The following ANKRD44 variants were observed in gnomAD, a reference collection of about 807,000 sequenced individuals.
ANKRD44 encodes ankyrin repeat domain 44, also known as serine/threonine-protein phosphatase 6 regulatory ankyrin repeat subunit B.
In ANKRD44, 35 loss-of-function variants were observed where a neutral mutation model predicts 116.0. The observed-to-expected ratio is 0.30, with a 90% CI of 0.23 to 0.40. The LOEUF (loss-of-function observed/expected upper bound fraction) is 0.40. Among genes scored for constraint, ANKRD44 ranks in the 10% least tolerant of loss-of-function variants. The pLI, the probability that ANKRD44 is intolerant of heterozygous loss-of-function variation, is 1.00. For missense variants in ANKRD44, 1,014 were observed against 1,242.6 expected, an observed-to-expected ratio of 0.82 and a Z score of 2.77; for synonymous variants, 435 against 461.8, an observed-to-expected ratio of 0.94 and a Z score of 0.74.
At chr2:197,078,490 C>G (rs2077722010) in intron 16 of ANKRD44, 2 of 1,339,222 alleles carry the variant, frequency 1.5e-6, no homozygotes, top group Non-Finnish European at 2.0e-6. Context: ...GCTTAAAAGC[C>G]TTGGGTGGTG....
At chr2:197,045,429 T>G (rs988205963) in intron 16 of ANKRD44, among the ~76,000 whole-genome samples, 2 of 152,160 alleles carry the variant, frequency 1.3e-5, no homozygotes, top group East Asian at 3.9e-4. Context: ...ACCTGTAGTG[T>G]CATTTTATTT....
chr2:197,280,705 C>A (rs1326416811), intron 1 of ANKRD44, among the ~76,000 whole-genome samples: 2 of 152,132 alleles, frequency 1.3e-5, no homozygotes, highest in African/African-American at 2.4e-5. Flanking sequence ...AATGTAAAAG[C>A]CCATCAAAGA....
chr2:196,993,022 G>T (rs2075949586), intron 27 of ANKRD44, among the ~76,000 whole-genome samples: 1 of 152,106 alleles, frequency 6.6e-6, no homozygotes, highest in Non-Finnish European at 1.5e-5. Flanking sequence ...CTTCTGTTAA[G>T]AATTAGTTCA....
Position 197,187,020 on chromosome 2 carries a change from T to A in ANKRD44, c.111+3A>T, listed in dbSNP as rs761752420. The A allele has an allele frequency of 3.7e-6, 6 of 1,613,920 alleles. No individual in the cohort carries two copies. Among genetic ancestry groups the A allele is most frequent in the Non-Finnish European group, 5.1e-6 (6 of 1,179,876 alleles). ...TGAGTAGCAAAACCACAGTATCTCTTACCAGAGTATTCACATCTTCAGTTT... is the reference window on the plus strand; with the variant it reads ...TGAGTAGCAAAACCACAGTATCTCTAACCAGAGTATTCACATCTTCAGTTT... On this transcript the variant is annotated splice_donor_region_variant and intron_variant, in intron 2 of 27. Coordinates refer to ENST00000282272, the MANE Select transcript of ANKRD44 (RefSeq NM_001195144.2).
At chr2:196,968,660 A>G (rs1164988711) in intron 21 of ANKRD44, among the ~76,000 whole-genome samples, 15 of 152,074 alleles carry the variant, frequency 9.9e-5, no homozygotes. Context: ...AACATACCTC[A>G]TTTATCTGGG....
chr2:197,018,364 C>T (rs2076431123), intron 17 of ANKRD44, among the ~76,000 whole-genome samples: 1 of 152,152 alleles, frequency 6.6e-6, no homozygotes, highest in African/African-American at 2.4e-5. Context: ...TCCAGCTGCA[C>T]CAGCCTCCCT....
intron 16 of ANKRD44, among the ~76,000 whole-genome samples, chr2:197,066,147 A>G (rs959596066): frequency 1.3e-5 from 2 of 152,214 alleles, no homozygotes; most frequent in African/African-American, 4.8e-5. Flanking sequence ...ACACAAATCA[A>G]TAAACATAAT....
chr2:196,983,801 G>C (rs910169501), downstream of ANKRD44, among the ~76,000 whole-genome samples: 1 of 152,238 alleles, frequency 6.6e-6, no homozygotes, highest in African/African-American at 2.4e-5. Context: ...TGTGTTGTCA[G>C]AGCTTGCCAT....
At chr2:197,133,072 T>C (rs552699546) in intron 4 of ANKRD44, among the ~76,000 whole-genome samples, 1 of 152,236 alleles carries the variant, frequency 6.6e-6, no homozygotes. Context: ...CTAACTGGTA[T>C]GCTGTTGGGC....
At chr2:197,055,158 T>C (rs1437388698) in intron 16 of ANKRD44, among the ~76,000 whole-genome samples, 1 of 152,198 alleles carries the variant, frequency 6.6e-6, no homozygotes, top group African/African-American at 2.4e-5. Context: ...AACACACACA[T>C]TGTAGTTCTA....
At chr2:197,174,313 G>C (rs1328588972) in intron 2 of ANKRD44, among the ~76,000 whole-genome samples, 1 of 152,140 alleles carries the variant, frequency 6.6e-6, no homozygotes, top group Non-Finnish European at 1.5e-5. Flanking sequence ...ATAGAGCCAT[G>C]ATTAAAAAGC....
chr2:197,227,238 C>A (rs2081738947), intron 1 of ANKRD44, among the ~76,000 whole-genome samples: 1 of 152,200 alleles, frequency 6.6e-6, no homozygotes, highest in Non-Finnish European at 1.5e-5. Flanking sequence ...GAACTAAAAG[C>A]CTTCATATAA....
At chr2:197,150,609 C>G (rs1040056116) in intron 2 of ANKRD44, among the ~76,000 whole-genome samples, 1 of 151,306 alleles carries the variant, frequency 6.6e-6, no homozygotes, top group African/African-American at 2.5e-5. Context: ...AGTCTAAAAA[C>G]CCTTCTACTA....
intron 12 of ANKRD44, among the ~76,000 whole-genome samples, chr2:197,087,018 A>G (rs2077941000): frequency 6.6e-6 from 1 of 152,240 alleles, no homozygotes; most frequent in South Asian, 2.1e-4. Flanking sequence ...AATGATTATT[A>G]CATGATTAAA....
At chr2:196,972,362 C>T (rs2075721809) in intron 21 of ANKRD44, among the ~76,000 whole-genome samples, 1 of 152,106 alleles carries the variant, frequency 6.6e-6, no homozygotes, top group East Asian at 1.9e-4. Context: ...TGCCACCACG[C>T]CCGGTTAATT....
chr2:197,029,883 G>T lies in ANKRD44; in HGVS notation c.1651-4616C>A. The T allele has an allele frequency of 3.1e-5, 7 of 226,398 alleles. No homozygotes were observed. In the South Asian group the frequency reaches 4.2e-4, roughly 14 times the overall value. 14.0% of individuals were successfully genotyped at this position (226,398 alleles called of 1,614,324 possible). Reference sequence around the variant, plus strand: ...CCTCAATACAATGACCTTTAGACATGACCAGCATTGGTAAGGCTGAGGCAG... The same window carrying T: ...CCTCAATACAATGACCTTTAGACATTACCAGCATTGGTAAGGCTGAGGCAG... On this transcript the variant is annotated intron_variant, in intron 16 of 27. Transcript: ENST00000282272.
chr2:197,096,785 A>T (rs1453822625), intron 10 of ANKRD44, among the ~76,000 whole-genome samples: 1 of 152,086 alleles, frequency 6.6e-6, no homozygotes. Flanking sequence ...ATTTTCTGAG[A>T]GGCTTTTGGC....
At chr2:197,277,046 G>T (rs935335587) in intron 1 of ANKRD44, among the ~76,000 whole-genome samples, 6 of 151,450 alleles carry the variant, frequency 4.0e-5, no homozygotes, top group African/African-American at 1.5e-4. Context: ...TCCTGCCTCA[G>T]CCTCCCAAGT....
intron 21 of ANKRD44, among the ~76,000 whole-genome samples, chr2:197,003,256 A>G (rs980395224): frequency 6.6e-6 from 1 of 152,018 alleles, no homozygotes; most frequent in Admixed American, 6.6e-5. Context: ...GGTTGTGGTG[A>G]GCCGAAATCA....
Sources: gnomAD v4.1 joint callset for allele counts (sites outside exome capture counted in the v4.1 genomes callset) on GRCh38, gnomAD v4.1.1 for gene constraint, MANE v1.5 for transcripts, NCBI Gene and HGNC (gene_info 2026-07-23, HGNC 2026-07-21) for gene names.